OLAH: variants seen among roughly 807,000 people sequenced by gnomAD.
OLAH encodes the protein oleoyl-ACP hydrolase.
Under a neutral mutation model 27.8 loss-of-function variants are expected in OLAH, and 33 were observed. The observed-to-expected ratio is 1.19, with a 90% CI of 0.90 to 1.59. The LOEUF is 1.59. OLAH is among the 40% of genes most tolerant of loss of function. The pLI, the probability that OLAH is intolerant of heterozygous loss-of-function variation, is 0.00. For missense variants in OLAH, 359 were observed against 310.8 expected, an observed-to-expected ratio of 1.16 and a Z score of -1.17; for synonymous variants, 120 against 102.9, an observed-to-expected ratio of 1.17 and a Z score of -1.01.
At chr10:15,038,427 A>G (rs1463605924) in intron 1 of OLAH, among the ~76,000 whole-genome samples, 2 of 152,086 alleles carry the variant, frequency 1.3e-5, no homozygotes, top group Non-Finnish European at 2.9e-5. Flanking sequence ...CCCCACCGAA[A>G]TTTCATCTCG....
chr10:15,036,397 C>G (rs896339500), intron 1 of OLAH, among the ~76,000 whole-genome samples: 1 of 152,146 alleles, frequency 6.6e-6, no homozygotes, highest in African/African-American at 2.4e-5. Context: ...ATTTGGGAAG[C>G]TGAGGCAGGA....
intron 1 of OLAH, chr10:15,032,454 AT>A (rs2131319783): frequency 8.7e-6 from 1 of 114,526 alleles, no homozygotes; most frequent in African/African-American, 3.0e-5. Flanking sequence ...ACTACTAAAA[AT>A]ACAAAAAAAA....
At chr10:15,036,393 G>T (rs1843840845) in intron 1 of OLAH, among the ~76,000 whole-genome samples, 1 of 152,138 alleles carries the variant, frequency 6.6e-6, no homozygotes, top group South Asian at 2.1e-4. Flanking sequence ...AGCGATTTGG[G>T]AAGCTGAGGC....
rs573572045 is a variant in OLAH at position 15,050,853 on chromosome 10, G to T, written c.163+1088G>T. ...ACCGCGCCTGGCCCCAAAGTGCTAG[G>T]ATTACAGATGTGAGCCACTGCAGCC... On this transcript the variant is annotated intron_variant, in intron 3 of 7. Transcript: ENST00000378228. Among the ~76,000 whole-genome samples, 295 of 151,906 alleles carry T rather than the reference G, an allele frequency of 1.9e-3. 4 individuals carry two copies. Among genetic ancestry groups the T allele is most frequent in the African/African-American group, 6.1e-3 (253 of 41,474 alleles).
chr10:15,034,801 TTTC>T (rs140238927), intron 1 of OLAH, among the ~76,000 whole-genome samples: 45,392 of 132,778 alleles, frequency 0.34, 7,241 homozygotes, highest in East Asian at 0.65. Context: ...CTTTTCTTTC[TTTC>T]TTTTTTTTTT....
intron 3 of OLAH, chr10:15,056,951 T>C: frequency 6.7e-7 from 1 of 1,502,174 alleles, no homozygotes; most frequent in Non-Finnish European, 8.9e-7. Flanking sequence ...TGGCCAAAAT[T>C]CTTGGTCTAT....
chr10:15,071,830 A>C lies in OLAH; in HGVS notation c.608A>C (p.Asp203Ala). Reference protein sequence around the residue: ...NVPSKAVLSCDLTCFVGSEDI... With the variant: ...NVPSKAVLSCALTCFVGSEDI... ...CCATCTAAGGCTGTTCTTTCCTGTG[A>C]CTTGACATGTTTTGTTGGATCTGAA... The change falls in exon 7 of 8, where the codon GAC (aspartate) becomes GCC (alanine). Residue 203 changes from aspartate (D) to alanine (A), a missense_variant. Coordinates refer to ENST00000378228, the MANE Select transcript of OLAH (RefSeq NM_001039702.3). 1.2e-6 allele frequency: 2 copies of C among 1,613,792 alleles called. No individual in the cohort carries two copies. Among genetic ancestry groups the C allele is most frequent in the East Asian group, 2.2e-5 (1 of 44,882 alleles).
At chr10:15,053,056 C>G (rs1333175986) in intron 3 of OLAH, among the ~76,000 whole-genome samples, 1 of 152,056 alleles carries the variant, frequency 6.6e-6, no homozygotes, top group Non-Finnish European at 1.5e-5. Flanking sequence ...TCCTCAAATT[C>G]TAACATTTTA....
upstream of OLAH, among the ~76,000 whole-genome samples, chr10:15,042,428 T>C (rs1173407980): frequency 6.6e-6 from 1 of 152,158 alleles, no homozygotes; most frequent in Non-Finnish European, 1.5e-5. Flanking sequence ...GCTAGGATTA[T>C]AGGTGTGAGC....
intron 1 of OLAH, among the ~76,000 whole-genome samples, chr10:15,036,948 G>A (rs1843849444): frequency 6.6e-6 from 1 of 151,936 alleles, no homozygotes; most frequent in South Asian, 2.1e-4. Flanking sequence ...GCATGGTGGT[G>A]CATGTCTGTA....
chr10:15,056,413 C>T (rs916084203), intron 3 of OLAH, among the ~76,000 whole-genome samples: 2 of 152,078 alleles, frequency 1.3e-5, no homozygotes, highest in African/African-American at 4.8e-5. Flanking sequence ...ATAATTTATA[C>T]TACCAAGCAG....
intron 6 of OLAH, among the ~76,000 whole-genome samples, chr10:15,070,914 T>A (rs1844572042): frequency 6.6e-6 from 1 of 151,322 alleles, no homozygotes; most frequent in Non-Finnish European, 1.5e-5. Flanking sequence ...GCCTCCCGAG[T>A]AGCTGGAACT....
intron 1 of OLAH, among the ~76,000 whole-genome samples, chr10:15,034,574 G>A (rs142885082): frequency 1.7e-3 from 255 of 152,334 alleles, no homozygotes; most frequent in African/African-American, 5.5e-3. Context: ...CCCACATGAT[G>A]ATGAGAGAAG....
At position 15,052,729 on chromosome 10, in the gene OLAH, C is replaced by CTTTTTT. The variant is rs1366770171; in HGVS notation, c.163+2975_163+2980dup. 1.5e-5 allele frequency among the ~76,000 whole-genome samples: 2 copies of CTTTTTT among 130,872 alleles called. 1 individual carries two copies. Among genetic ancestry groups the CTTTTTT allele is most frequent in the Non-Finnish European group, 3.2e-5 (2 of 61,618 alleles). The allele number at this position is 130,872 out of a possible 152,430, so 85.9% of individuals were successfully genotyped here. ...TTGGTAATTTGTTTGGAGGGCTTTT[C>CTTTTTT]TTTTTTTTTTTTTTTTGGTGACAGA... On this transcript the variant is annotated intron_variant, in intron 3 of 7. Coordinates refer to ENST00000378228, the MANE Select transcript of OLAH (RefSeq NM_001039702.3).
chr10:15,034,585 A>C (rs1309949519), intron 1 of OLAH, among the ~76,000 whole-genome samples: 1 of 152,172 alleles, frequency 6.6e-6, no homozygotes, highest in Admixed American at 6.5e-5. Context: ...ATGAGAGAAG[A>C]CTGTCCCTTT....
rs372523092 is a variant in OLAH at position 15,073,266 on chromosome 10, T to C, written c.*37T>C. The C allele has an allele frequency of 1.5e-6, 2 of 1,333,738 alleles. No homozygotes were observed. The highest frequency in any genetic ancestry group is 2.1e-6 in the Non-Finnish European group (2 of 944,884). The allele number at this position is 1,333,738 out of a possible 1,614,324, so 82.6% of individuals were successfully genotyped here. ...TTCACTTTTAAAATAATCAAAGTAA[T>C]ATCATACTCTTCTCAGTTATTCAGA... On this transcript the variant is annotated 3_prime_UTR_variant, in exon 8 of 8. Coordinates refer to ENST00000378228, the MANE Select transcript of OLAH (RefSeq NM_001039702.3).
intron 1 of OLAH, among the ~76,000 whole-genome samples, chr10:15,038,145 C>G (rs1206655803): frequency 6.6e-6 from 1 of 152,218 alleles, no homozygotes; most frequent in Non-Finnish European, 1.5e-5. Context: ...CCTGTAGCCC[C>G]TTTGTTTTGG....
chr10:15,042,832 G>C (rs1281791147), upstream of OLAH, among the ~76,000 whole-genome samples: 4 of 120,670 alleles, frequency 3.3e-5, no homozygotes, highest in East Asian at 7.8e-4. Context: ...CCTCTGGTCT[G>C]TTTCCTACCC....
At chr10:15,070,279 G>C (rs1391209583) in intron 6 of OLAH, among the ~76,000 whole-genome samples, 2 of 151,506 alleles carry the variant, frequency 1.3e-5, no homozygotes, top group Non-Finnish European at 2.9e-5. Context: ...CATACACTTG[G>C]TCCCCCTCCG....
Sources: gnomAD v4.1 joint callset for allele counts (sites outside exome capture counted in the v4.1 genomes callset) on GRCh38, gnomAD v4.1.1 for gene constraint, MANE v1.5 for transcripts, NCBI Gene and HGNC (gene_info 2026-07-23, HGNC 2026-07-21) for gene names.